TBC1D12: variants seen among roughly 807,000 people sequenced by gnomAD.
The protein encoded by TBC1D12 is TBC1 domain family, member 12.
TBC1D12 carries 56 observed loss-of-function variants against 86.7 expected under a neutral mutation model. That is an observed-to-expected ratio of 0.65 (90% CI 0.52 to 0.81). The LOEUF (loss-of-function observed/expected upper bound fraction) is 0.81, where lower values mean the gene tolerates loss of function less well. Among genes scored for constraint, TBC1D12 ranks in the 30% least tolerant of loss-of-function variants. The probability of loss-of-function intolerance (pLI) is 0.00; values close to 1 mark genes in which losing one functional copy is unlikely to be tolerated. For synonymous variants in TBC1D12, 421 were observed against 411.7 expected, an observed-to-expected ratio of 1.02 and a Z score of -0.27; for missense variants, 1,023 against 1,038.8, an observed-to-expected ratio of 0.98 and a Z score of 0.21.
intron 6 of TBC1D12, among the ~76,000 whole-genome samples, chr10:94,506,898 G>A (rs1206766901): frequency 1.3e-5 from 2 of 152,122 alleles, no homozygotes; most frequent in African/African-American, 2.4e-5. Context: ...GAGTTCCAGG[G>A]TAGCTAAATA....
At chr10:94,503,489 A>C (rs2056424498) in intron 6 of TBC1D12, among the ~76,000 whole-genome samples, 2 of 152,258 alleles carry the variant, frequency 1.3e-5, no homozygotes, top group South Asian at 4.1e-4. Flanking sequence ...ATTGGACAGA[A>C]TTATAACAAA....
At chr10:94,497,946 C>T (rs1042098996) in intron 5 of TBC1D12, among the ~76,000 whole-genome samples, 29 of 151,942 alleles carry the variant, frequency 1.9e-4, no homozygotes, top group African/African-American at 6.8e-4. Context: ...CCTCAGCCTC[C>T]CGAGTAGCTG....
At chr10:94,447,511 T>A (rs544466100) in intron 2 of TBC1D12, 25 of 642,792 alleles carry the variant, frequency 3.9e-5, no homozygotes, top group Non-Finnish European at 4.8e-5. Context: ...TAAAGAAACA[T>A]AAAAAACGTT....
chr10:94,431,431 GAAA>G (rs2055214028), intron 1 of TBC1D12, among the ~76,000 whole-genome samples: 1 of 135,048 alleles, frequency 7.4e-6, no homozygotes, highest in South Asian at 2.5e-4. Flanking sequence ...AAAAAGAAAA[GAAA>G]GAAAATAATT....
intron 11 of TBC1D12, among the ~76,000 whole-genome samples, chr10:94,530,982 C>T (rs990843347): frequency 6.6e-6 from 1 of 151,874 alleles, no homozygotes; most frequent in African/African-American, 2.4e-5. Flanking sequence ...GCCTCAGCCT[C>T]CCATGTAGCT....
At chr10:94,532,991 T>G in intron 12 of TBC1D12, 37 bp from the exon 13 acceptor site, 2 of 1,243,596 alleles carry the variant, frequency 1.6e-6, no homozygotes, top group South Asian at 1.4e-5. Flanking sequence ...TGGGTGGTAG[T>G]TTTTGAGGAT....
intron 2 of TBC1D12, among the ~76,000 whole-genome samples, chr10:94,453,251 C>T (rs1307456881): frequency 6.6e-6 from 1 of 152,250 alleles, no homozygotes; most frequent in East Asian, 1.9e-4. Flanking sequence ...TTTTAAATTT[C>T]AGTGAACTCC....
intron 6 of TBC1D12, among the ~76,000 whole-genome samples, chr10:94,503,032 C>T (rs758309856): frequency 1.3e-5 from 2 of 152,112 alleles, no homozygotes; most frequent in Non-Finnish European, 2.9e-5. Context: ...TTTTCACCCA[C>T]AATTTATGCC....
intron 6 of TBC1D12, among the ~76,000 whole-genome samples, chr10:94,503,609 TTA>T (rs2056425871): frequency 6.6e-6 from 1 of 152,028 alleles, no homozygotes; most frequent in Non-Finnish European, 1.5e-5. Flanking sequence ...ACATATTATT[TTA>T]TTTATTTATT....
intron 11 of TBC1D12, 70 bp from the exon 12 acceptor site, chr10:94,531,132 A>C: frequency 8.6e-5 from 128 of 1,493,162 alleles, no homozygotes; most frequent in Non-Finnish European, 1.1e-4. Context: ...CTTTTTTTAT[A>C]GAGATGCTTA....
In TBC1D12 at chr10:94,448,533, G is replaced by A. The variant is rs991045966; in HGVS notation, c.1095+6514G>A. 2.6e-5 allele frequency among the ~76,000 whole-genome samples: 4 copies of A among 152,280 alleles called. No homozygotes were observed. In the South Asian group the frequency reaches 8.3e-4, roughly 32 times the overall value. ...ACTCTGTTGCCCAGGCTAGAATGCA[G>A]TGGCACAATCATGGCTCACTGCAAC... On this transcript the variant is annotated intron_variant, in intron 2 of 12. Transcript: ENST00000225235.
intron 3 of TBC1D12, among the ~76,000 whole-genome samples, chr10:94,478,924 C>A (rs2134153231): frequency 6.6e-6 from 1 of 151,940 alleles, no homozygotes; most frequent in East Asian, 1.9e-4. Context: ...GCACTGCACT[C>A]CAGTCTGGTG....
At chr10:94,433,370 C>T (rs936873956) in intron 1 of TBC1D12, among the ~76,000 whole-genome samples, 15 of 152,126 alleles carry the variant, frequency 9.9e-5, no homozygotes, top group Non-Finnish European at 2.1e-4. Flanking sequence ...CCACCCACCT[C>T]AGCCTTCCAA....
At position 94,520,456 on chromosome 10, in the gene TBC1D12, C is replaced by T. The variant is rs1842119729; in HGVS notation, c.1762-1499C>T. 1.3e-5 allele frequency among the ~76,000 whole-genome samples: 2 copies of T among 151,910 alleles called. 1 individual carries two copies. Among genetic ancestry groups the T allele is most frequent in the South Asian group, 4.2e-4 (2 of 4,814 alleles). On this transcript the variant is annotated intron_variant, in intron 9 of 12. Transcript: ENST00000225235. ...ATCCCAGCTACTCGGGAGGCTGAGG[C>T]AGGAGAATCGCTTGAATCCGGGAGG...
Position 94,402,694 on chromosome 10 carries a change from C to T in TBC1D12, c.81C>T (p.Gly27=), listed in dbSNP as rs752565703. ...LLPVPAPDPV[G]QDRKVIRATG... ...CGGTGCCTGCGCCGGACCCCGTGGGCCAGGACAGGAAGGTAATCCGGGCCA... is the reference window on the plus strand; with the variant it reads ...CGGTGCCTGCGCCGGACCCCGTGGGTCAGGACAGGAAGGTAATCCGGGCCA... The change falls in exon 1 of 13, where the codon GGC becomes GGT. Residue 27 remains glycine, a synonymous_variant. Transcript: ENST00000225235. 6.2e-7 allele frequency: 1 copy of T among 1,600,220 alleles called. No homozygotes were observed. Among genetic ancestry groups the T allele is most frequent in the South Asian group, 1.1e-5 (1 of 89,230 alleles).
intron 3 of TBC1D12, among the ~76,000 whole-genome samples, chr10:94,492,054 G>T (rs1420899612): frequency 6.6e-6 from 1 of 152,194 alleles, no homozygotes; most frequent in Non-Finnish European, 1.5e-5. Flanking sequence ...CTACCATAGA[G>T]CACGGTGTTC....
At chr10:94,411,561 A>T (rs1395146727) in intron 1 of TBC1D12, among the ~76,000 whole-genome samples, 2 of 152,176 alleles carry the variant, frequency 1.3e-5, no homozygotes, top group Non-Finnish European at 2.9e-5. Context: ...CATTTTATTT[A>T]AAAAAATTTA....
At chr10:94,455,743 G>A (rs890440530) in intron 2 of TBC1D12, among the ~76,000 whole-genome samples, 1 of 152,108 alleles carries the variant, frequency 6.6e-6, no homozygotes, top group Non-Finnish European at 1.5e-5. Context: ...CAGCCTGGCC[G>A]ACGTGGTGAA....
intron 1 of TBC1D12, among the ~76,000 whole-genome samples, chr10:94,426,256 A>G (rs555307116): frequency 1.3e-5 from 2 of 152,324 alleles, no homozygotes; most frequent in Admixed American, 1.3e-4. Flanking sequence ...GAAACATTTA[A>G]TGTTTCACCA....
Sources: allele counts gnomAD v4.1 joint callset (sites outside exome capture counted in the v4.1 genomes callset), GRCh38; gene constraint gnomAD v4.1.1; transcripts MANE v1.5; gene names NCBI Gene and HGNC (gene_info 2026-07-23, HGNC 2026-07-21).